TPD52L1: variants seen among roughly 807,000 people sequenced by gnomAD.
The protein encoded by TPD52L1 is TPD52 like 1.
A neutral mutation model predicts 28.7 loss-of-function variants in TPD52L1; 18 were observed. The ratio of observed to expected loss-of-function variants is 0.63; its 90% CI spans 0.43 to 0.93. The LOEUF (loss-of-function observed/expected upper bound fraction) is 0.93, where lower values mean the gene tolerates loss of function less well. Among genes scored for constraint, TPD52L1 ranks in the 40% least tolerant of loss-of-function variants. TPD52L1 has a pLI of 0.00. For synonymous variants in TPD52L1, 75 were observed against 88.8 expected (o/e 0.84, Z 0.88); for missense variants, 203 against 254.8 (o/e 0.80, Z 1.39).
intron 1 of TPD52L1, among the ~76,000 whole-genome samples, chr6:125,165,092 A>ATATATATATATATATATTTATTTATT: frequency 9.6e-6 from 1 of 104,190 alleles, no homozygotes; most frequent in Non-Finnish European, 1.7e-5. Context: ...AAAGATATAT[A>ATATATATATATATATATTTATTTATT]TATATATTTT....
chr6:125,160,871 A>C, intron 1 of TPD52L1, among the ~76,000 whole-genome samples: 1 of 90,610 alleles, frequency 1.1e-5, no homozygotes, highest in South Asian at 3.2e-4. Context: ...TTTTTTTTTG[A>C]GATGGAGTCT....
chr6:125,205,139 T>C (rs1794037524), intron 1 of TPD52L1, among the ~76,000 whole-genome samples: 1 of 152,172 alleles, frequency 6.6e-6, no homozygotes, highest in African/African-American at 2.4e-5. Context: ...GCAGATTTGT[T>C]AGTAGAAATT....
At chr6:125,252,022 G>A in intron 4 of TPD52L1, 1 of 1,536,064 alleles carries the variant, frequency 6.5e-7, no homozygotes, top group African/African-American at 1.4e-5. Flanking sequence ...CGGGCTGCAG[G>A]TCTCACTCCA....
chr6:125,165,092 A>ATATATATATATTTATATATT, intron 1 of TPD52L1, among the ~76,000 whole-genome samples: 1 of 104,194 alleles, frequency 9.6e-6, no homozygotes, highest in East Asian at 2.4e-4. Context: ...AAAGATATAT[A>ATATATATATATTTATATATT]TATATATTTT....
chr6:125,237,156 G>A (rs1308100023), intron 3 of TPD52L1, among the ~76,000 whole-genome samples: 1 of 152,132 alleles, frequency 6.6e-6, no homozygotes, highest in African/African-American at 2.4e-5. Flanking sequence ...CCACCAGGTG[G>A]ACTTTGGCTT....
intron 5 of TPD52L1, 60 bp from the exon 6 acceptor site, chr6:125,257,038 A>G: frequency 6.8e-7 from 1 of 1,478,070 alleles, no homozygotes; most frequent in Non-Finnish European, 9.3e-7. Flanking sequence ...AAAACCAAAC[A>G]GCATGGTTGC....
chr6:125,198,318 A>G (rs1793578143), intron 1 of TPD52L1, among the ~76,000 whole-genome samples: 1 of 152,206 alleles, frequency 6.6e-6, no homozygotes, highest in South Asian at 2.1e-4. Flanking sequence ...TTGGAAACCT[A>G]TAGTGATAAG....
At chr6:125,164,323 C>T (rs973536962) in intron 1 of TPD52L1, among the ~76,000 whole-genome samples, 3 of 152,058 alleles carry the variant, frequency 2.0e-5, no homozygotes, top group East Asian at 1.9e-4. Context: ...TGTCAAGTTG[C>T]GGGTGGAGGA....
At chr6:125,232,325 C>T (rs988167634) in intron 3 of TPD52L1, among the ~76,000 whole-genome samples, 2 of 152,102 alleles carry the variant, frequency 1.3e-5, no homozygotes, top group Non-Finnish European at 2.9e-5. Context: ...TGTCCCCAAC[C>T]CTTTCTTCTT....
chr6:125,185,321 T>C (rs1385112164), intron 1 of TPD52L1, among the ~76,000 whole-genome samples: 3 of 152,196 alleles, frequency 2.0e-5, no homozygotes, highest in Non-Finnish European at 4.4e-5. Flanking sequence ...GAATTTTATA[T>C]AGAATTTCAT....
rs1187537535 is a variant in TPD52L1, at chr6:125,223,639, G to A, written c.135+3446G>A. Among the ~76,000 whole-genome samples the A allele has an allele frequency of 2.0e-5, 3 of 149,662 alleles. No individual in the cohort carries two copies. In the South Asian group the frequency reaches 6.4e-4, roughly 32 times the overall value. ...CACAAGAATTGCTTGAACCCAGGAG[G>A]TGGAGGTTGCAGTGAGCCAAGATCA... On this transcript the variant is annotated intron_variant, in intron 2 of 6. Coordinates refer to ENST00000534000, the MANE Select transcript of TPD52L1 (RefSeq NM_003287.4).
chr6:125,230,274 C>T (rs1347552466), intron 3 of TPD52L1, among the ~76,000 whole-genome samples: 1 of 151,994 alleles, frequency 6.6e-6, no homozygotes, highest in African/African-American at 2.4e-5. Flanking sequence ...TGCTGGGGGT[C>T]TTGTACCAAA....
chr6:125,217,186 A>T (rs779264018), intron 1 of TPD52L1, among the ~76,000 whole-genome samples: 8 of 152,182 alleles, frequency 5.3e-5, no homozygotes, highest in Non-Finnish European at 1.0e-4. Flanking sequence ...TTTTGGCACC[A>T]GGAACTGGTT....
chr6:125,225,355 G>T (rs1795541190), intron 2 of TPD52L1, among the ~76,000 whole-genome samples: 1 of 152,134 alleles, frequency 6.6e-6, no homozygotes, highest in Admixed American at 6.6e-5. Context: ...ATTCTTTGGG[G>T]TATATACCTA....
At chr6:125,194,202 G>C (rs550853393) in intron 1 of TPD52L1, among the ~76,000 whole-genome samples, 1 of 151,860 alleles carries the variant, frequency 6.6e-6, no homozygotes, top group Non-Finnish European at 1.5e-5. Flanking sequence ...CTTTGGAAGC[G>C]TCTAGTTTGC....
intron 3 of TPD52L1, among the ~76,000 whole-genome samples, chr6:125,247,806 G>A (rs1445032736): frequency 3.9e-5 from 6 of 152,128 alleles, no homozygotes; most frequent in Admixed American, 1.3e-4. Context: ...TACTAGAAAA[G>A]TAAGCTAAAT....
chr6:125,255,920 G>A (rs1797568142), intron 5 of TPD52L1, among the ~76,000 whole-genome samples: 1 of 152,100 alleles, frequency 6.6e-6, no homozygotes, highest in Non-Finnish European at 1.5e-5. Flanking sequence ...TTTAATGGTG[G>A]TGATGTCATT....
chr6:125,215,725 C>G (rs745918457), intron 1 of TPD52L1, among the ~76,000 whole-genome samples: 1 of 152,228 alleles, frequency 6.6e-6, no homozygotes, highest in Non-Finnish European at 1.5e-5. Flanking sequence ...GGTACTGGGT[C>G]TGTCTTTCCC....
intron 1 of TPD52L1, among the ~76,000 whole-genome samples, chr6:125,180,552 C>T (rs1792114254): frequency 1.3e-5 from 2 of 148,876 alleles, no homozygotes; most frequent in South Asian, 4.2e-4. Flanking sequence ...CATACACACA[C>T]ACACATATAT....
Sources: gnomAD v4.1 joint callset for allele counts (sites outside exome capture counted in the v4.1 genomes callset) on GRCh38, gnomAD v4.1.1 for gene constraint, MANE v1.5 for transcripts, NCBI Gene and HGNC (gene_info 2026-07-23, HGNC 2026-07-21) for gene names.